Variants in ZMAT4 observed in about 807,000 individuals in gnomAD.
ZMAT4 encodes the protein zinc finger matrin-type protein 4.
ZMAT4 carries 17 observed loss-of-function variants against 28.7 expected under a neutral mutation model. The observed-to-expected ratio is 0.59, with a 90% CI of 0.41 to 0.89. ZMAT4 has a LOEUF of 0.89. ZMAT4 is among the 40% of genes least tolerant of loss of function. The pLI, the probability that ZMAT4 is intolerant of heterozygous loss-of-function variation, is 0.00. For synonymous variants in ZMAT4, 117 were observed against 109.2 expected (o/e 1.07, Z -0.44); for missense variants, 240 against 283.8 (o/e 0.85, Z 1.11).
chr8:40,642,687 T>C (rs1031498907), intron 5 of ZMAT4, among the ~76,000 whole-genome samples: 1 of 152,218 alleles, frequency 6.6e-6, no homozygotes, highest in African/African-American at 2.4e-5. Flanking sequence ...TAATATTCTC[T>C]CCATTTCTCC....
chr8:40,646,471 G>C (rs1235792204), intron 5 of ZMAT4, among the ~76,000 whole-genome samples: 1 of 151,794 alleles, frequency 6.6e-6, no homozygotes, highest in African/African-American at 2.4e-5. Flanking sequence ...TTATGTGATA[G>C]TTGTCAATTT....
intron 5 of ZMAT4, among the ~76,000 whole-genome samples, chr8:40,610,502 A>G (rs1008881441): frequency 6.6e-6 from 1 of 151,848 alleles, no homozygotes; most frequent in Non-Finnish European, 1.5e-5. Context: ...ACCAAATTCT[A>G]TATATATATA....
At chr8:40,850,952 A>G (rs866509297) in intron 1 of ZMAT4, among the ~76,000 whole-genome samples, 1 of 152,368 alleles carries the variant, frequency 6.6e-6, no homozygotes, top group Middle Eastern at 3.4e-3. Flanking sequence ...AAAACTGAGA[A>G]ATGTTTAAAA....
chr8:40,840,390 C>T (rs1816659846), intron 1 of ZMAT4, among the ~76,000 whole-genome samples: 1 of 152,138 alleles, frequency 6.6e-6, no homozygotes, highest in African/African-American at 2.4e-5. Flanking sequence ...CCCAGTTTCT[C>T]CCTCTTTCCA....
chr8:40,863,899 A>G (rs1817587962), intron 1 of ZMAT4, among the ~76,000 whole-genome samples: 2 of 152,328 alleles, frequency 1.3e-5, no homozygotes, highest in Non-Finnish European at 2.9e-5. Context: ...ACACTTACCT[A>G]TATCAAAATA....
chr8:40,671,512 T>C (rs1171160779), intron 5 of ZMAT4, among the ~76,000 whole-genome samples: 4 of 152,232 alleles, frequency 2.6e-5, no homozygotes, highest in Non-Finnish European at 1.5e-5. Context: ...CTTTATATGC[T>C]ATAAATGGAT....
At chr8:40,557,906 G>A (rs934764420) in intron 6 of ZMAT4, among the ~76,000 whole-genome samples, 1 of 152,166 alleles carries the variant, frequency 6.6e-6, no homozygotes, top group African/African-American at 2.4e-5. Context: ...ATAAAAAGAT[G>A]GGAATATAAT....
intron 3 of ZMAT4, among the ~76,000 whole-genome samples, chr8:40,753,312 A>T (rs1412841600): frequency 1.3e-5 from 2 of 150,218 alleles, no homozygotes; most frequent in Non-Finnish European, 3.0e-5. Context: ...CATCCTACTT[A>T]CTCTACCTGG....
intron 4 of ZMAT4, among the ~76,000 whole-genome samples, chr8:40,678,433 T>A (rs1270340034): frequency 2.0e-5 from 3 of 152,190 alleles, no homozygotes; most frequent in African/African-American, 7.2e-5. Flanking sequence ...CCACCAGCCT[T>A]TGCCCAAGGC....
chr8:40,730,849 G>C (rs571077487), intron 3 of ZMAT4, among the ~76,000 whole-genome samples: 1 of 152,264 alleles, frequency 6.6e-6, no homozygotes, highest in African/African-American at 2.4e-5. Context: ...AACTGTTTTG[G>C]AACTCTGGAG....
At chr8:40,782,837 C>T (rs1310929498) in intron 2 of ZMAT4, among the ~76,000 whole-genome samples, 2 of 152,194 alleles carry the variant, frequency 1.3e-5, no homozygotes, top group Non-Finnish European at 2.9e-5. Context: ...TATTCACCAT[C>T]ATTGGTCACT....
chr8:40,695,166 G>A (rs1004671172), intron 4 of ZMAT4, among the ~76,000 whole-genome samples: 9 of 152,202 alleles, frequency 5.9e-5, no homozygotes, highest in South Asian at 2.1e-4. Flanking sequence ...GAAGGCGCTC[G>A]TGTACACACA....
At chr8:40,715,026 C>A (rs1304917435) in intron 3 of ZMAT4, among the ~76,000 whole-genome samples, 1 of 114,510 alleles carries the variant, frequency 8.7e-6, no homozygotes, top group Non-Finnish European at 1.6e-5. Context: ...TCCAGCCTGG[C>A]GACAGAGGGA....
At chr8:40,547,952 G>A (rs554057064) in intron 6 of ZMAT4, among the ~76,000 whole-genome samples, 1 of 152,168 alleles carries the variant, frequency 6.6e-6, no homozygotes, top group Non-Finnish European at 1.5e-5. Flanking sequence ...TTTAAGTAGG[G>A]TGATCTGGGA....
chr8:40,747,825 C>T (rs929216512), intron 3 of ZMAT4, among the ~76,000 whole-genome samples: 2 of 152,068 alleles, frequency 1.3e-5, no homozygotes, highest in South Asian at 2.1e-4. Context: ...TCTGGGGTTG[C>T]TAATGCCAAC....
Position 40,637,860 on chromosome 8 carries a change from G to A in ZMAT4, c.577+36844C>T, listed in dbSNP as rs116266685. ...AGACTTTTATGCCAACCTACAAAAT[G>A]GAATACTATTTAGTCTTTCAAAAGA... On this transcript the variant is annotated intron_variant, in intron 5 of 6. Transcript: ENST00000297737. Among the ~76,000 whole-genome samples, 437 of 152,202 alleles carry A rather than the reference G, an allele frequency of 2.9e-3. 4 individuals carry two copies. The highest frequency in any genetic ancestry group is 9.9e-3 in the African/African-American group (412 of 41,516).
intron 3 of ZMAT4, among the ~76,000 whole-genome samples, chr8:40,700,183 G>A (rs1332105887): frequency 1.3e-5 from 2 of 151,968 alleles, no homozygotes; most frequent in Non-Finnish European, 2.9e-5. Context: ...GAAAATAAGG[G>A]GAAGTATTAT....
At chr8:40,711,548 G>C (rs955828303) in intron 3 of ZMAT4, among the ~76,000 whole-genome samples, 1 of 152,168 alleles carries the variant, frequency 6.6e-6, no homozygotes, top group Non-Finnish European at 1.5e-5. Flanking sequence ...GGGATCACAA[G>C]TACACAATCA....
intron 4 of ZMAT4, among the ~76,000 whole-genome samples, chr8:40,686,137 G>T (rs1181033162): frequency 6.6e-6 from 1 of 152,138 alleles, no homozygotes; most frequent in Non-Finnish European, 1.5e-5. Context: ...GGAGCTTAAA[G>T]TCTGAAATAG....
Sources: gnomAD v4.1 joint callset for allele counts (sites outside exome capture counted in the v4.1 genomes callset) on GRCh38, gnomAD v4.1.1 for gene constraint, MANE v1.5 for transcripts, NCBI Gene and HGNC (gene_info 2026-07-23, HGNC 2026-07-21) for gene names.